The following CDK9 variants were observed in gnomAD, a reference collection of about 807,000 sequenced individuals.
CDK9 encodes the protein cyclin dependent kinase 9.
A neutral mutation model predicts 39.0 loss-of-function variants in CDK9; 34 were observed. That is an observed-to-expected ratio of 0.87 (90% confidence interval 0.66 to 1.16). CDK9 has a LOEUF of 1.16. Ranked by LOEUF, CDK9 falls within the 50% of genes most tolerant of loss-of-function variation. The pLI is 0.00. For missense variants in CDK9, 369 were observed against 503.2 expected (o/e 0.73, Z 2.55); for synonymous variants, 233 against 196.2 (o/e 1.19, Z -1.57).
chr9:127,786,312 C>A (rs1829315585), intron 1 of CDK9, 72 bp downstream of exon 1: 1 of 1,239,406 alleles, frequency 8.1e-7, no homozygotes, highest in Non-Finnish European at 1.2e-6. Flanking sequence ...ATGCCCGGGC[C>A]CCCCCCGAGT....
rs150564713 is a variant in CDK9 at position 127,787,903 on chromosome 9, G to A, written c.266-44G>A. The A allele has an allele frequency of 1.0e-4, 166 of 1,600,046 alleles. 1 individual carries two copies. In the African/African-American group the frequency reaches 1.7e-3, roughly 17 times the overall value. Reference sequence around the variant, plus strand: ...AAGCTGGTTGTGGGAAAGTGTGTTGGGTGTGGTTTTCTTGACTTTTTCTTC... The same window carrying A: ...AAGCTGGTTGTGGGAAAGTGTGTTGAGTGTGGTTTTCTTGACTTTTTCTTC... On this transcript the variant is annotated intron_variant, in intron 3 of 6. Transcript: ENST00000373264.
rs766337146 is a variant in CDK9, at chr9:127,787,512, A to G, written c.175-6A>G. ...TCTTGACCACTTTCCCCTCTTTCTC[A>G]CCCAGTTCCCCATTACAGCCTTGCG... is the stretch of plus-strand genomic sequence containing the variant. On this transcript the variant is annotated splice_region_variant and splice_polypyrimidine_tract_variant and intron_variant, in intron 2 of 6. Transcript: ENST00000373264. The G allele has an allele frequency of 1.2e-6, 2 of 1,606,128 alleles. No individual in the cohort carries two copies. The highest frequency in any genetic ancestry group is 1.7e-6 in the Non-Finnish European group (2 of 1,173,052).
chr9:127,786,526 G>A (rs985371560), intron 1 of CDK9, among the ~76,000 whole-genome samples, 175 bp from the exon 2 acceptor site: 5 of 152,230 alleles, frequency 3.3e-5, no homozygotes, highest in African/African-American at 1.2e-4. Context: ...AGGGAAGGAA[G>A]CAGAGGCTCC....
At position 127,787,378 on chromosome 9, in the gene CDK9, T is replaced by G. The variant is rs1022259559; in HGVS notation, c.175-140T>G. 2.3e-5 allele frequency: 14 copies of G among 595,954 alleles called. No homozygotes were observed. In the Admixed American group the frequency reaches 2.9e-4, roughly 13 times the overall value. The allele number at this position is 595,954 out of a possible 1,614,324, so 36.9% of individuals were successfully genotyped here. A position where few individuals can be genotyped will look rare whatever the true frequency, so the allele number is the denominator to read the frequency against. On this transcript the variant is annotated intron_variant, in intron 2 of 6. Transcript: ENST00000373264. ...AGTGTGCATGCTACTAATATCCATT[T>G]TATAGACAAGGCTTCTGAGACAGCT...
At position 127,789,680 on chromosome 9, in the gene CDK9, C is replaced by T. The variant is rs1211744706; in HGVS notation, c.*137C>T. ...CCCACCCTGGGCTCTGGGAGCAGCC[C>T]GCTGAGTGGACTGGAGTGGAGCATT... is the stretch of plus-strand genomic sequence containing the variant. On this transcript the variant is annotated 3_prime_UTR_variant, in exon 7 of 7. Transcript: ENST00000373264. The surrounding 1 kb of genome is among the most constrained non-coding windows in gnomAD (Gnocchi z 5.2). 15 of 1,142,262 alleles carry T rather than the reference C, an allele frequency of 1.3e-5. No homozygotes were observed. The highest frequency in any genetic ancestry group is 6.3e-5 in the South Asian group (4 of 63,654). 70.8% of individuals were successfully genotyped at this position (1,142,262 alleles called of 1,614,324 possible).
At chr9:127,788,140 C>A (rs748288731) in intron 4 of CDK9, 27 bp downstream of exon 4, 1 of 1,613,962 alleles carries the variant, frequency 6.2e-7, no homozygotes, top group South Asian at 1.1e-5. Flanking sequence ...GGAGGAGGAC[C>A]CAGGCTTGGG....
Position 127,789,640 on chromosome 9 carries a change from A to G in CDK9, c.*97A>G, listed in dbSNP as rs1464410591. On this transcript the variant is annotated 3_prime_UTR_variant, in exon 7 of 7. Coordinates refer to ENST00000373264, the MANE Select transcript of CDK9 (RefSeq NM_001261.4). This position sits in a 1 kb window ranked among gnomAD's most constrained non-coding sequence, Gnocchi z 5.2. The stretch of plus-strand genomic sequence containing the variant: ...GCATTTGAGTTTATATCTCTCATGC[A>G]TATTTTATTTAATCCCCACCCTGGG... 1.4e-6 allele frequency: 2 copies of G among 1,454,340 alleles called. No homozygotes were observed. The highest frequency in any genetic ancestry group is 9.2e-7 in the Non-Finnish European group (1 of 1,084,278). The allele number at this position is 1,454,340 out of a possible 1,614,324, so 90.1% of individuals were successfully genotyped here.
Position 127,789,081 on chromosome 9 carries a change from G to A in CDK9, c.754-97G>A. 1 of 1,441,336 alleles carries A rather than the reference G, an allele frequency of 6.9e-7. No homozygotes were observed. Among genetic ancestry groups the A allele is most frequent in the Non-Finnish European group, 9.3e-7 (1 of 1,079,914 alleles). 89.3% of individuals were successfully genotyped at this position (1,441,336 alleles called of 1,614,324 possible). A position where few individuals can be genotyped will look rare whatever the true frequency, so the allele number is the denominator to read the frequency against. Reference sequence around the variant, plus strand: ...AGTAGCAGTCTGGGAGCCTCCGAGTGGAGCAGGTATTTTAGTCCTTTTAGG... The same window carrying A: ...AGTAGCAGTCTGGGAGCCTCCGAGTAGAGCAGGTATTTTAGTCCTTTTAGG... On this transcript the variant is annotated intron_variant, in intron 6 of 6. Transcript: ENST00000373264. This position sits in a 1 kb window ranked among gnomAD's most constrained non-coding sequence, Gnocchi z 5.2.
At chr9:127,786,592 A>C (rs928744740) in intron 1 of CDK9, 109 bp from the exon 2 acceptor site, 148 of 1,009,248 alleles carry the variant, frequency 1.5e-4, no homozygotes, top group Non-Finnish European at 3.8e-5. Context: ...TACCTAGCCC[A>C]GCCCCGCCCG....
chr9:127,789,349 G>C lies in CDK9; in HGVS notation c.925G>C (p.Ala309Pro), dbSNP rs1430649434. The C allele has an allele frequency of 1.2e-6, 2 of 1,613,808 alleles. No individual in the cohort carries two copies. The highest frequency in any genetic ancestry group is 2.2e-5 in the South Asian group (2 of 91,082). Residue 309 changes from alanine to proline, a missense_variant, in exon 7 of 7, where the codon GCC becomes CCC. Ala to Pro is a conservative substitution (Grantham distance 27). Coordinates refer to ENST00000373264, the MANE Select transcript of CDK9 (RefSeq NM_001261.4). This position sits in a 1 kb window ranked among gnomAD's most constrained non-coding sequence, Gnocchi z 5.2. ...DPAQRIDSDD[A>P]LNHDFFWSDP... ...TGCCCAGCGCATCGACAGCGATGAC[G>C]CCCTCAACCACGACTTCTTCTGGTC...
chr9:127,787,416 C>T lies in CDK9; in HGVS notation c.175-102C>T, dbSNP rs576089830. ...TTCTGAGACAGCTGGTTTCAGAGCC[C>T]ATGATCTTGCTCTGTCTCCCAACTT... On this transcript the variant is annotated intron_variant, in intron 2 of 6. Transcript: ENST00000373264. 6 of 701,664 alleles carry T rather than the reference C, an allele frequency of 8.6e-6. No individual in the cohort carries two copies. The Admixed American group carries it at 1.2e-4, about 14-fold the overall frequency. The allele number at this position is 701,664 out of a possible 1,614,324, so 43.5% of individuals were successfully genotyped here.
chr9:127,788,061 A>T lies in CDK9; in HGVS notation c.380A>T (p.Lys127Met). ...VLVKFTLSEIKRVMQMLLNGL... is the reference protein window; with the variant it reads ...VLVKFTLSEIMRVMQMLLNGL... Reference sequence around the variant, plus strand: ...GTCAAGTTCACGCTGTCTGAGATCAAGAGGGTGATGCAGATGCTGCTTAAC... The same window carrying T: ...GTCAAGTTCACGCTGTCTGAGATCATGAGGGTGATGCAGATGCTGCTTAAC... The change falls in exon 4 of 7, where the codon AAG becomes ATG. Residue 127 changes from lysine to methionine, a missense_variant. Lys to Met is a moderately conservative substitution (Grantham distance 95). Coordinates refer to ENST00000373264, the MANE Select transcript of CDK9 (RefSeq NM_001261.4). 1.2e-6 allele frequency: 2 copies of T among 1,614,204 alleles called. No individual in the cohort carries two copies. The highest frequency in any genetic ancestry group is 1.7e-6 in the Non-Finnish European group (2 of 1,180,038).
chr9:127,789,903 A>G lies in CDK9; in HGVS notation c.*360A>G, dbSNP rs1175506780. 1 of 252,616 alleles carries G rather than the reference A, an allele frequency of 4.0e-6. No individual in the cohort carries two copies. The highest frequency in any genetic ancestry group is 1.1e-4 in the East Asian group (1 of 9,122). 15.6% of individuals were successfully genotyped at this position (252,616 alleles called of 1,614,324 possible). On this transcript the variant is annotated 3_prime_UTR_variant, in exon 7 of 7. Coordinates refer to ENST00000373264, the MANE Select transcript of CDK9 (RefSeq NM_001261.4). The surrounding 1 kb of genome is among the most constrained non-coding windows in gnomAD (Gnocchi z 5.2). ...CTCGGGCTGAGAACCCTGCGTGGGG[A>G]CAGGGCTCGCCTCAGGAATGGGCTG... is the stretch of plus-strand genomic sequence containing the variant.
At chr9:127,786,636 T>TGGGGGA in intron 1 of CDK9, 65 bp from the exon 2 acceptor site, 1 of 1,349,404 alleles carries the variant, frequency 7.4e-7, no homozygotes. Context: ...CCTCCTGTAG[T>TGGGGGA]GGGGGAGGGG....
chr9:127,787,127 T>C (rs1400598217), intron 2 of CDK9, among the ~76,000 whole-genome samples: 1 of 152,218 alleles, frequency 6.6e-6, no homozygotes, highest in Non-Finnish European at 1.5e-5. Context: ...TTATTTAATG[T>C]ATTTAAAAGG....
Position 127,788,650 on chromosome 9 carries a change from AC to A in CDK9, c.712del (p.Leu238SerfsTer38), listed in dbSNP as rs1564433315. The A allele has an allele frequency of 6.2e-7, 1 of 1,611,738 alleles. No homozygotes were observed. The highest frequency in any genetic ancestry group is 1.1e-5 in the South Asian group (1 of 90,596). On this transcript the variant is annotated frameshift_variant, in exon 6 of 7. Transcript: ENST00000373264. LOFTEE classifies it high-confidence loss of function. ...IMQGNTEQHQLALISQLCGSI... is the reference protein window; with the variant it reads ...IMQGNTEQHQXALISQLCGSI... Reference sequence around the variant, plus strand: ...TGCAGGGCAACACGGAGCAGCACCAACTCGCCCTCATCAGTCAGCTCTGCGG... The same window carrying A: ...TGCAGGGCAACACGGAGCAGCACCAATCGCCCTCATCAGTCAGCTCTGCGG...
Position 127,788,209 on chromosome 9 carries a change from T to C in CDK9, c.433-5T>C. 2 of 1,613,938 alleles carry C rather than the reference T, an allele frequency of 1.2e-6. No individual in the cohort carries two copies. Among genetic ancestry groups the C allele is most frequent in the Non-Finnish European group, 1.7e-6 (2 of 1,179,952 alleles). On this transcript the variant is annotated splice_region_variant and splice_polypyrimidine_tract_variant and intron_variant, in intron 4 of 6. Transcript: ENST00000373264. Reference sequence around the variant, plus strand: ...CTAAAGGACCCACTCTTGCCCTTCCTGCAGATCCTGCATAGGGACATGAAG... The same window carrying C: ...CTAAAGGACCCACTCTTGCCCTTCCCGCAGATCCTGCATAGGGACATGAAG...
rs1005966452 is a variant in CDK9, at chr9:127,788,207, C to T, written c.433-7C>T. ...CACTAAAGGACCCACTCTTGCCCTT[C>T]CTGCAGATCCTGCATAGGGACATGA... On this transcript the variant is annotated splice_region_variant and splice_polypyrimidine_tract_variant and intron_variant, in intron 4 of 6. Transcript: ENST00000373264. 2.5e-6 allele frequency: 4 copies of T among 1,613,938 alleles called. No homozygotes were observed. The highest frequency in any genetic ancestry group is 3.4e-6 in the Non-Finnish European group (4 of 1,179,956).
chr9:127,788,954 C>T (rs532603756), intron 6 of CDK9, among the ~76,000 whole-genome samples: 3 of 152,226 alleles, frequency 2.0e-5, no homozygotes, highest in South Asian at 2.1e-4. Context: ...AGAAATGTGA[C>T]GTGTATCAGG....
Sources: gnomAD v4.1 joint callset for allele counts (sites outside exome capture counted in the v4.1 genomes callset) on GRCh38, gnomAD v4.1.1 for gene constraint, Gnocchi (gnomAD v3.1) non-coding constraint, MANE v1.5 for transcripts, NCBI Gene and HGNC (gene_info 2026-07-23, HGNC 2026-07-21) for gene names.